NALCN: variants seen among roughly 807,000 people sequenced by gnomAD.
NALCN encodes the protein sodium leak channel NALCN.
Under a neutral mutation model 225.3 loss-of-function variants are expected in NALCN, and 111 were observed. That is an observed-to-expected ratio of 0.49 (90% CI 0.42 to 0.58). The LOEUF (loss-of-function observed/expected upper bound fraction) is 0.58, where lower values mean the gene tolerates loss of function less well. Ranked by LOEUF, NALCN falls within the 20% of genes least tolerant of loss-of-function variation. The pLI, the probability that NALCN is intolerant of heterozygous loss-of-function variation, is 0.00. For missense variants in NALCN, 1,378 were observed against 2,202.4 expected (o/e 0.63, Z 7.49); for synonymous variants, 764 against 769.0 (o/e 0.99, Z 0.11).
At chr13:101,072,003 C>T (rs559262960) in intron 37 of NALCN, among the ~76,000 whole-genome samples, 11 of 152,070 alleles carry the variant, frequency 7.2e-5, no homozygotes, top group African/African-American at 1.2e-4. Flanking sequence ...AACAGATGTT[C>T]GGTGCAGCAA....
chr13:101,060,273 C>CTTTTTTT (rs1566768228), intron 41 of NALCN, among the ~76,000 whole-genome samples: 16 of 49,300 alleles, frequency 3.2e-4, no homozygotes, highest in South Asian at 7.7e-4. Context: ...TTGGTGTTTT[C>CTTTTTTT]TGTTTTTTTT....
At chr13:101,177,960 C>T (rs940301684) in intron 14 of NALCN, among the ~76,000 whole-genome samples, 1 of 152,130 alleles carries the variant, frequency 6.6e-6, no homozygotes, top group Admixed American at 6.6e-5. Context: ...CAGCCATGCC[C>T]TTTGGAGTCT....
intron 7 of NALCN, among the ~76,000 whole-genome samples, chr13:101,309,344 T>C (rs2044260004): frequency 6.6e-6 from 1 of 152,168 alleles, no homozygotes; most frequent in Non-Finnish European, 1.5e-5. Flanking sequence ...ATGAGAAATA[T>C]TTAGTACTGG....
chr13:101,414,642 C>A (rs1279389308), intron 1 of NALCN, among the ~76,000 whole-genome samples: 2 of 152,200 alleles, frequency 1.3e-5, no homozygotes, highest in Non-Finnish European at 2.9e-5. Context: ...TAAATTGCAA[C>A]TAAATGACAC....
chr13:101,260,830 C>G (rs1328283197), intron 10 of NALCN, among the ~76,000 whole-genome samples: 1 of 152,088 alleles, frequency 6.6e-6, no homozygotes. Flanking sequence ...GTTGTCTCTT[C>G]ACTTTGTTAA....
intron 6 of NALCN, among the ~76,000 whole-genome samples, chr13:101,352,617 A>C (rs2045938227): frequency 1.3e-5 from 2 of 152,192 alleles, no homozygotes; most frequent in South Asian, 4.1e-4. Context: ...TTAGGGTAAA[A>C]GACAAGGATT....
At chr13:101,124,076 T>C (rs551709711) in intron 18 of NALCN, among the ~76,000 whole-genome samples, 57 of 152,374 alleles carry the variant, frequency 3.7e-4, no homozygotes, top group African/African-American at 1.3e-3. Context: ...TATAGTCTTA[T>C]AAAACACTCA....
At chr13:101,105,936 T>C (rs1330454427) in intron 22 of NALCN, among the ~76,000 whole-genome samples, 2 of 152,142 alleles carry the variant, frequency 1.3e-5, no homozygotes, top group Non-Finnish European at 2.9e-5. Flanking sequence ...AATGTTATAA[T>C]AGTGTGTATT....
chr13:101,101,628 T>G (rs2139601382), intron 26 of NALCN, among the ~76,000 whole-genome samples: 1 of 152,252 alleles, frequency 6.6e-6, no homozygotes, highest in South Asian at 2.1e-4. Flanking sequence ...GGACAGTGGC[T>G]TAGCTGTCTT....
chr13:101,142,648 T>G (rs1032203425), intron 17 of NALCN: 1 of 175,604 alleles, frequency 5.7e-6, no homozygotes, highest in Non-Finnish European at 1.2e-5. Flanking sequence ...TGCCACATAC[T>G]AAGCATTGAA....
chr13:101,104,461 A>G lies in NALCN; in HGVS notation c.2758-35T>C. 6.2e-7 allele frequency: 1 copy of G among 1,612,576 alleles called. No individual in the cohort carries two copies. Among genetic ancestry groups the G allele is most frequent in the Non-Finnish European group, 8.5e-7 (1 of 1,178,856 alleles). Reference sequence around the variant, plus strand: ...GCAAAAGGCAGTTTGGTTACAATGAACGGAAAAACAGCAGGTCAGTATTTT... The same window carrying G: ...GCAAAAGGCAGTTTGGTTACAATGAGCGGAAAAACAGCAGGTCAGTATTTT... On this transcript the variant is annotated intron_variant, in intron 24 of 43. Transcript: ENST00000251127. The surrounding 1 kb of genome is among the most constrained non-coding windows in gnomAD (Gnocchi z 4.2).
At chr13:101,103,469 T>A (rs2139610085) in intron 25 of NALCN, 130 bp from the exon 26 acceptor site, 2 of 1,096,532 alleles carry the variant, frequency 1.8e-6, no homozygotes, top group Non-Finnish European at 2.6e-6. Context: ...TGCCATCTGT[T>A]AACTTTAAAC....
chr13:101,273,266 A>T (rs1292543862), intron 10 of NALCN, among the ~76,000 whole-genome samples: 3 of 152,218 alleles, frequency 2.0e-5, no homozygotes, highest in Non-Finnish European at 4.4e-5. Context: ...TGAGGGTCCA[A>T]TTGAATAGAC....
At chr13:101,082,475 T>C (rs1007046397) in intron 33 of NALCN, among the ~76,000 whole-genome samples, 2 of 152,206 alleles carry the variant, frequency 1.3e-5, no homozygotes, top group African/African-American at 2.4e-5. Flanking sequence ...TAACCTTGTC[T>C]GGGCCAACTT....
At chr13:101,146,743 C>T (rs2037365136) in intron 15 of NALCN, among the ~76,000 whole-genome samples, 1 of 152,162 alleles carries the variant, frequency 6.6e-6, no homozygotes, top group Admixed American at 6.5e-5. Context: ...TCAAATCTTA[C>T]AGGTCAGGTT....
chr13:101,373,838 A>C (rs2046609565), intron 6 of NALCN, among the ~76,000 whole-genome samples: 1 of 152,184 alleles, frequency 6.6e-6, no homozygotes, highest in Non-Finnish European at 1.5e-5. Flanking sequence ...AATTTTCAGG[A>C]AGTAGAATAA....
intron 10 of NALCN, among the ~76,000 whole-genome samples, chr13:101,275,582 C>T (rs768757916): frequency 2.6e-5 from 4 of 152,070 alleles, no homozygotes; most frequent in Non-Finnish European, 4.4e-5. Context: ...CTCTAACAGA[C>T]CACAATAGCG....
intron 14 of NALCN, among the ~76,000 whole-genome samples, chr13:101,182,089 G>A (rs918574805): frequency 1.6e-4 from 21 of 131,024 alleles, no homozygotes; most frequent in African/African-American, 5.6e-4. Flanking sequence ...AGCCGAGATC[G>A]TGCCACTGCA....
In NALCN at chr13:101,095,612, A is replaced by G. The variant is rs1594193199; in HGVS notation, c.3231T>C (p.Pro1077=). 6.2e-7 allele frequency: 1 copy of G among 1,613,404 alleles called. No individual in the cohort carries two copies. Among genetic ancestry groups the G allele is most frequent in the East Asian group, 2.2e-5 (1 of 44,840 alleles). ...VSKNLNLKLR[P]GEKKPGFWVP... is the part of the protein sequence containing the mutation. The stretch of plus-strand genomic sequence containing the variant: ...CCCAAAATCCAGGTTTTTTCTCTCC[A>G]GGCCTCAATTTTAAATTTAAGTTCT... Residue 1077 remains proline (P), a synonymous_variant, in exon 28 of 44, where the codon CCT becomes CCC. Coordinates refer to ENST00000251127, the MANE Select transcript of NALCN (RefSeq NM_052867.4).
Sources: allele counts gnomAD v4.1 joint callset (sites outside exome capture counted in the v4.1 genomes callset), GRCh38; gene constraint gnomAD v4.1.1; non-coding constraint Gnocchi (gnomAD v3.1); transcripts MANE v1.5; gene names NCBI Gene and HGNC (gene_info 2026-07-23, HGNC 2026-07-21).